Variants in EBF2 observed in about 807,000 individuals in gnomAD.
The protein encoded by EBF2 is EBF transcription factor 2.
EBF2 carries 21 observed loss-of-function variants against 72.8 expected under a neutral mutation model. That is an observed-to-expected ratio of 0.29 (90% confidence interval 0.20 to 0.42). The LOEUF is 0.42. Ranked by LOEUF, EBF2 falls within the 10% of genes least tolerant of loss-of-function variation. The probability of loss-of-function intolerance (pLI) is 1.00; values close to 1 mark genes in which losing one functional copy is unlikely to be tolerated. For missense variants in EBF2, 637 were observed against 731.2 expected, an observed-to-expected ratio of 0.87 and a Z score of 1.49; for synonymous variants, 299 against 274.2, an observed-to-expected ratio of 1.09 and a Z score of -0.89.
intron 15 of EBF2, among the ~76,000 whole-genome samples, chr8:25,848,932 A>G (rs1452327631): frequency 6.6e-6 from 1 of 152,206 alleles, no homozygotes; most frequent in Non-Finnish European, 1.5e-5. Flanking sequence ...GAAGGAAAGT[A>G]CGGTAAATAT....
At chr8:25,847,441 T>C (rs966720476) in intron 15 of EBF2, among the ~76,000 whole-genome samples, 1 of 152,176 alleles carries the variant, frequency 6.6e-6, no homozygotes, top group African/African-American at 2.4e-5. Flanking sequence ...TCAAGGGAAC[T>C]TCACAATGTT....
chr8:26,024,644 A>G (rs963460454), intron 6 of EBF2, among the ~76,000 whole-genome samples: 1 of 152,118 alleles, frequency 6.6e-6, no homozygotes, highest in Non-Finnish European at 1.5e-5. Flanking sequence ...CAATCACCCA[A>G]ACTCTTCAAT....
chr8:26,045,088 G>C lies in EBF2; in HGVS notation c.-229C>G, dbSNP rs1471926424. ...TGGGTTCTTATCCTCCGCAAGTTCA[G>C]ATCTGCCGCCTCAGCCACTCCACCC... On this transcript the variant is annotated 5_prime_UTR_variant, in exon 1 of 16. The change creates a new upstream start codon in the 5' untranslated region. Coordinates refer to ENST00000520164, the MANE Select transcript of EBF2 (RefSeq NM_022659.4). 1 of 447,774 alleles carries C rather than the reference G, an allele frequency of 2.2e-6. No homozygotes were observed. Among genetic ancestry groups the C allele is most frequent in the East Asian group, 3.8e-5 (1 of 26,332 alleles). 27.7% of individuals were successfully genotyped at this position (447,774 alleles called of 1,614,324 possible).
chr8:25,857,355 C>T (rs1320990924), intron 14 of EBF2, among the ~76,000 whole-genome samples: 1 of 152,118 alleles, frequency 6.6e-6, no homozygotes, highest in Non-Finnish European at 1.5e-5. Context: ...TGAAAGGCAG[C>T]TTCTGTGACA....
At chr8:25,882,280 C>T (rs1290857139) in intron 10 of EBF2, among the ~76,000 whole-genome samples, 2 of 152,142 alleles carry the variant, frequency 1.3e-5, no homozygotes, top group African/African-American at 4.8e-5. Flanking sequence ...GCCACAGCCC[C>T]GTCGCATGCC....
At chr8:25,855,268 T>C (rs548987492) in intron 14 of EBF2, among the ~76,000 whole-genome samples, 2 of 152,232 alleles carry the variant, frequency 1.3e-5, no homozygotes, top group South Asian at 4.2e-4. Flanking sequence ...TTTTTGGAGC[T>C]AAGGGGTCTG....
chr8:25,950,777 T>C (rs754398289), intron 6 of EBF2, among the ~76,000 whole-genome samples: 2 of 152,180 alleles, frequency 1.3e-5, no homozygotes, highest in Non-Finnish European at 2.9e-5. Flanking sequence ...CATCCCTTGG[T>C]GCTTCAAATT....
At chr8:25,914,588 G>T (rs1803180316) in intron 6 of EBF2, among the ~76,000 whole-genome samples, 1 of 152,230 alleles carries the variant, frequency 6.6e-6, no homozygotes, top group Non-Finnish European at 1.5e-5. Flanking sequence ...GTAACTTGGT[G>T]ATGACGCATC....
At chr8:25,966,916 GACTGTC>G (rs1468471552) in intron 6 of EBF2, among the ~76,000 whole-genome samples, 1 of 152,180 alleles carries the variant, frequency 6.6e-6, no homozygotes, top group Non-Finnish European at 1.5e-5. Context: ...CTTTTCTATA[GACTGTC>G]ACTAGAGGGC....
At chr8:25,977,285 C>T (rs1341946918) in intron 6 of EBF2, among the ~76,000 whole-genome samples, 2 of 152,130 alleles carry the variant, frequency 1.3e-5, no homozygotes, top group Non-Finnish European at 2.9e-5. Context: ...GGTACTTCCC[C>T]ACAGTTTATC....
chr8:25,916,463 T>C (rs1803218332), intron 6 of EBF2, among the ~76,000 whole-genome samples: 1 of 152,126 alleles, frequency 6.6e-6, no homozygotes, highest in Non-Finnish European at 1.5e-5. Context: ...TCCCTTCCCA[T>C]GTATTGCCCC....
chr8:25,910,305 C>T (rs1361503315), intron 6 of EBF2, among the ~76,000 whole-genome samples: 1 of 152,148 alleles, frequency 6.6e-6, no homozygotes, highest in Non-Finnish European at 1.5e-5. Context: ...TGCCTTTTCC[C>T]ACTTGTGTGT....
At chr8:26,012,230 CGA>C (rs1030064312) in intron 6 of EBF2, among the ~76,000 whole-genome samples, 13 of 152,092 alleles carry the variant, frequency 8.5e-5, no homozygotes, top group African/African-American at 3.1e-4. Flanking sequence ...GTAGAACATA[CGA>C]GAGAGATTTT....
intron 6 of EBF2, among the ~76,000 whole-genome samples, chr8:25,970,356 C>T (rs142619140): frequency 1.1e-4 from 16 of 152,156 alleles, no homozygotes; most frequent in African/African-American, 1.7e-4. Flanking sequence ...GTGTCGGTCT[C>T]GGAGCCTGGC....
Position 25,865,941 on chromosome 8 carries a change from C to T in EBF2, c.1010-3144G>A, listed in dbSNP as rs191097757. On this transcript the variant is annotated intron_variant, in intron 10 of 15. Transcript: ENST00000520164. The stretch of plus-strand genomic sequence containing the variant: ...TCGGGAGGCTGAGGCAGGAGAATGG[C>T]GTGAACCCAGGAGGTGGAGCTTGCA... Among the ~76,000 whole-genome samples, 768 of 151,756 alleles carry T rather than the reference C, an allele frequency of 5.1e-3. 17 individuals carry two copies. In the East Asian group the frequency reaches 0.066, roughly 13 times the overall value.
At chr8:25,910,863 T>C (rs1236181226) in intron 6 of EBF2, among the ~76,000 whole-genome samples, 2 of 152,170 alleles carry the variant, frequency 1.3e-5, no homozygotes, top group Admixed American at 1.3e-4. Context: ...GAAAGTTCTC[T>C]TGCATTACAT....
At chr8:26,037,355 C>A (rs938076058) in intron 5 of EBF2, among the ~76,000 whole-genome samples, 1 of 152,158 alleles carries the variant, frequency 6.6e-6, no homozygotes, top group Non-Finnish European at 1.5e-5. Flanking sequence ...TGTCCCTTTC[C>A]CCTCCAAAAT....
chr8:26,011,603 T>A (rs1805023347), intron 6 of EBF2, among the ~76,000 whole-genome samples: 1 of 152,148 alleles, frequency 6.6e-6, no homozygotes. Context: ...AATGCGGATC[T>A]GCTTCCCAGA....
intron 6 of EBF2, among the ~76,000 whole-genome samples, chr8:25,911,026 G>A (rs570566255): frequency 6.6e-6 from 1 of 151,890 alleles, no homozygotes; most frequent in Admixed American, 6.6e-5. Context: ...TTTAACTGGT[G>A]TCTTCTGGTT....
Sources: allele counts gnomAD v4.1 joint callset (sites outside exome capture counted in the v4.1 genomes callset), GRCh38; gene constraint gnomAD v4.1.1; transcripts MANE v1.5; gene names NCBI Gene and HGNC (gene_info 2026-07-23, HGNC 2026-07-21).